The following EPB41L3 variants were observed in gnomAD, a reference collection of about 807,000 sequenced individuals.
The protein encoded by EPB41L3 is band 4.1-like protein 3.
Under a neutral mutation model 127.1 loss-of-function variants are expected in EPB41L3, and 57 were observed. That is an observed-to-expected ratio of 0.45 (90% CI 0.36 to 0.56). The LOEUF (loss-of-function observed/expected upper bound fraction) is 0.56. Among genes scored for constraint, EPB41L3 ranks in the 20% least tolerant of loss-of-function variants. EPB41L3 has a pLI of 0.00. For synonymous variants in EPB41L3, 572 were observed against 549.5 expected (o/e 1.04, Z -0.57); for missense variants, 1,273 against 1,372.2 (o/e 0.93, Z 1.14).
chr18:5,487,542 A>C (rs2089976276), intron 2 of EPB41L3, among the ~76,000 whole-genome samples: 1 of 149,334 alleles, frequency 6.7e-6, no homozygotes. Flanking sequence ...CCCAGTCTGG[A>C]GGGCAGTGGT....
intron 3 of EPB41L3, among the ~76,000 whole-genome samples, chr18:5,468,487 C>T (rs1270218843): frequency 1.3e-5 from 2 of 152,198 alleles, no homozygotes; most frequent in African/African-American, 4.8e-5. Flanking sequence ...AAAAACTAGA[C>T]TCAGCCAGAC....
chr18:5,473,351 G>A (rs557300490), intron 3 of EPB41L3, among the ~76,000 whole-genome samples: 8 of 152,000 alleles, frequency 5.3e-5, no homozygotes, highest in African/African-American at 7.3e-5. Flanking sequence ...TTAGAGTAAT[G>A]TTCTGGACAC....
intron 1 of EPB41L3, among the ~76,000 whole-genome samples, chr18:5,494,907 C>T (rs1025823120): frequency 6.6e-6 from 1 of 152,120 alleles, no homozygotes; most frequent in East Asian, 1.9e-4. Flanking sequence ...GCTAAGGAGA[C>T]ATCATCTTGT....
intron 14 of EPB41L3, among the ~76,000 whole-genome samples, 158 bp from the exon 15 acceptor site, chr18:5,407,894 C>T (rs1256946537): frequency 5.3e-5 from 8 of 152,196 alleles, no homozygotes; most frequent in Non-Finnish European, 8.8e-5. Flanking sequence ...AACATTCTCA[C>T]ACACAATTAG....
At chr18:5,467,010 T>G (rs957065206) in intron 3 of EPB41L3, among the ~76,000 whole-genome samples, 13 of 152,146 alleles carry the variant, frequency 8.5e-5, no homozygotes, top group Admixed American at 2.6e-4. Flanking sequence ...TCAGGAAAAT[T>G]GAAAAAGAAT....
At chr18:5,542,477 C>T (rs1276877873) in intron 1 of EPB41L3, among the ~76,000 whole-genome samples, 1 of 150,392 alleles carries the variant, frequency 6.6e-6, no homozygotes, top group Non-Finnish European at 1.5e-5. Context: ...CCACTCCCCA[C>T]CCCCCCTCAA....
chr18:5,498,615 A>AAAAAAAAAAAG, intron 1 of EPB41L3, among the ~76,000 whole-genome samples: 1 of 151,156 alleles, frequency 6.6e-6, no homozygotes, highest in Admixed American at 6.6e-5. Flanking sequence ...AAAAAAAGAA[A>AAAAAAAAAAAG]ATGGACTTCA....
At chr18:5,420,665 C>T (rs2077365032) in intron 11 of EPB41L3, among the ~76,000 whole-genome samples, 1 of 152,092 alleles carries the variant, frequency 6.6e-6, no homozygotes, top group South Asian at 2.1e-4. Context: ...TAAGACAGAG[C>T]CTTTCATCCC....
chr18:5,424,641 T>C (rs1383399425), intron 9 of EPB41L3, among the ~76,000 whole-genome samples: 2 of 151,260 alleles, frequency 1.3e-5, no homozygotes, highest in Admixed American at 6.6e-5. Flanking sequence ...CGAAAAGGGG[T>C]TTTTTTGATT....
intron 1 of EPB41L3, among the ~76,000 whole-genome samples, chr18:5,537,232 C>CAA: frequency 6.6e-6 from 1 of 152,086 alleles, no homozygotes; most frequent in Non-Finnish European, 1.5e-5. Context: ...TATTGTTAGA[C>CAA]TATATTTTAA....
intron 3 of EPB41L3, among the ~76,000 whole-genome samples, chr18:5,597,153 T>TCAATCTA (rs2094544636): frequency 6.6e-6 from 1 of 152,154 alleles, no homozygotes; most frequent in Admixed American, 6.5e-5. Context: ...GGGTCTAGCT[T>TCAATCTA]CAATCTACCA....
At chr18:5,599,811 C>T (rs985238613) in intron 3 of EPB41L3, among the ~76,000 whole-genome samples, 1 of 152,174 alleles carries the variant, frequency 6.6e-6, no homozygotes, top group Non-Finnish European at 1.5e-5. Flanking sequence ...CCTTTCTTTA[C>T]AAATTACCTA....
intron 1 of EPB41L3, among the ~76,000 whole-genome samples, chr18:5,503,423 GC>G (rs2091907126): frequency 6.6e-6 from 1 of 152,164 alleles, no homozygotes. Context: ...AATCTCCACA[GC>G]ACACATGCCT....
At position 5,423,418 on chromosome 18, in the gene EPB41L3, T is replaced by C. The variant is rs1328977591; in HGVS notation, c.1299A>G (p.Ser433=). ...IDRPAPYFER[S]SSKRYTMSRS... ...GAGACATGGTATAACGTTTGCTGGA[T>C]GAGCGTTCAAAGTAAGGTGCTGGGC... Residue 433 remains serine, a synonymous_variant, in exon 11 of 23, where the codon TCA becomes TCG. Coordinates refer to ENST00000341928, the MANE Select transcript of EPB41L3 (RefSeq NM_012307.5). 8.7e-6 allele frequency: 14 copies of C among 1,612,730 alleles called. No homozygotes were observed. The highest frequency in any genetic ancestry group is 1.3e-5 in the African/African-American group (1 of 74,908).
intron 3 of EPB41L3, among the ~76,000 whole-genome samples, chr18:5,602,839 G>A (rs970269128): frequency 6.6e-6 from 1 of 152,176 alleles, no homozygotes; most frequent in Non-Finnish European, 1.5e-5. Context: ...CTTTAGGACT[G>A]ACAGGAAAAT....
intron 9 of EPB41L3, among the ~76,000 whole-genome samples, chr18:5,427,839 G>C (rs1453438289): frequency 6.6e-6 from 1 of 151,902 alleles, no homozygotes; most frequent in African/African-American, 2.4e-5. Context: ...TCCGCCCCCT[G>C]GGTTCACGCC....
chr18:5,529,926 A>G (rs2093354887), intron 1 of EPB41L3, among the ~76,000 whole-genome samples: 1 of 91,506 alleles, frequency 1.1e-5, no homozygotes, highest in African/African-American at 4.3e-5. Flanking sequence ...ATCAACTCAT[A>G]TATGTGTGTG....
At position 5,397,915 on chromosome 18, in the gene EPB41L3, G is replaced by A. The variant is rs2143824275; in HGVS notation, c.2472+106C>T. On this transcript the variant is annotated intron_variant, in intron 17 of 22. Transcript: ENST00000341928. The surrounding 1 kb of genome is among the most constrained non-coding windows in gnomAD (Gnocchi z 4.1). Reference sequence around the variant, plus strand: ...TAAGTGAAGACACCTTTGAGATGTTGAAGGCAAAGCCAGCTGGATGCAACC... The same window carrying A: ...TAAGTGAAGACACCTTTGAGATGTTAAAGGCAAAGCCAGCTGGATGCAACC... 7.2e-7 allele frequency: 1 copy of A among 1,382,576 alleles called. No individual in the cohort carries two copies. The highest frequency in any genetic ancestry group is 2.3e-5 in the East Asian group (1 of 43,678). The allele number at this position is 1,382,576 out of a possible 1,614,324, so 85.6% of individuals were successfully genotyped here. A position where few individuals can be genotyped will look rare whatever the true frequency, so the allele number is the denominator to read the frequency against.
At position 5,394,788 on chromosome 18, in the gene EPB41L3, C is replaced by T. The variant is rs1018412026; in HGVS notation, c.3159G>A (p.Leu1053=). The part of the protein sequence containing the change: ...GDADIDHDQA[L]AQAIKEAKEQ... ...CTTTGGCCTCTTTAATTGCCTGAGC[C>T]AGCGCCTATCCCCGGGAAATCACAG... is the stretch of plus-strand genomic sequence containing the variant. Residue 1053 remains leucine, a synonymous_variant, in exon 22 of 23, where the codon CTG becomes CTA. Coordinates refer to ENST00000341928, the MANE Select transcript of EPB41L3 (RefSeq NM_012307.5). 1.2e-6 allele frequency: 2 copies of T among 1,614,078 alleles called. No homozygotes were observed.
Sources: allele counts gnomAD v4.1 joint callset (sites outside exome capture counted in the v4.1 genomes callset), GRCh38; gene constraint gnomAD v4.1.1; non-coding constraint Gnocchi (gnomAD v3.1); transcripts MANE v1.5; gene names NCBI Gene and HGNC (gene_info 2026-07-23, HGNC 2026-07-21).